AOPEP: variants seen among roughly 807,000 people sequenced by gnomAD.
AOPEP encodes aminopeptidase O.
AOPEP carries 77 observed loss-of-function variants against 98.1 expected under a neutral mutation model. The ratio of observed to expected loss-of-function variants is 0.78; its 90% CI spans 0.65 to 0.95. AOPEP has a LOEUF of 0.95. AOPEP is among the 40% of genes least tolerant of loss of function. The pLI is 0.00. For missense variants in AOPEP, 1,024 were observed against 1,024.7 expected, an observed-to-expected ratio of 1.00 and a Z score of 0.01; for synonymous variants, 346 against 365.3, an observed-to-expected ratio of 0.95 and a Z score of 0.60.
At chr9:95,095,769 G>A in the AOPEP span, among the ~76,000 whole-genome samples, 1 of 149,326 alleles carries the variant, frequency 6.7e-6, no homozygotes, top group African/African-American at 2.4e-5. Context: ...CGTGAGATCG[G>A]CATCCTCTCA....
chr9:94,914,566 A>G (rs959475334), intron 5 of AOPEP, among the ~76,000 whole-genome samples: 1 of 91,140 alleles, frequency 1.1e-5, no homozygotes, highest in African/African-American at 4.3e-5. Context: ...GTGTGTATGT[A>G]CAGGATAAAT....
intron 1 of AOPEP, among the ~76,000 whole-genome samples, chr9:94,737,964 G>A (rs422502): frequency 0.052 from 7,885 of 152,260 alleles, 231 homozygotes; most frequent in Admixed American, 0.077. Context: ...TGAGAGTTCA[G>A]GGTCTGGGGC....
At chr9:94,959,292 C>T (rs556985971) in intron 9 of AOPEP, among the ~76,000 whole-genome samples, 36 of 152,270 alleles carry the variant, frequency 2.4e-4, no homozygotes, top group Admixed American at 7.2e-4. Context: ...ATCCACCCAC[C>T]TCAGCCTCCC....
At chr9:94,758,076 T>C (rs1345444622) in intron 1 of AOPEP, among the ~76,000 whole-genome samples, 2 of 152,216 alleles carry the variant, frequency 1.3e-5, no homozygotes, top group Non-Finnish European at 2.9e-5. Flanking sequence ...GTGCTACATA[T>C]AGTTCAGTGG....
At chr9:94,794,619 C>G (rs574721142) in intron 4 of AOPEP, among the ~76,000 whole-genome samples, 1 of 152,080 alleles carries the variant, frequency 6.6e-6, no homozygotes, top group East Asian at 1.9e-4. Flanking sequence ...AGTAGCTTGC[C>G]TATTTTGGAC....
chr9:94,779,269 C>T (rs1287117831), intron 3 of AOPEP, among the ~76,000 whole-genome samples: 6 of 152,226 alleles, frequency 3.9e-5, no homozygotes, highest in Non-Finnish European at 8.8e-5. Flanking sequence ...CAGATAGGCA[C>T]TGATAGGTGG....
At chr9:95,051,309 C>T (rs1273949490) in intron 13 of AOPEP, among the ~76,000 whole-genome samples, 2 of 151,688 alleles carry the variant, frequency 1.3e-5, no homozygotes, top group Non-Finnish European at 2.9e-5. Flanking sequence ...AGGATGGTCT[C>T]GATCTCTTGA....
At chr9:94,751,931 T>G (rs866804734) in intron 1 of AOPEP, among the ~76,000 whole-genome samples, 25 of 150,258 alleles carry the variant, frequency 1.7e-4, no homozygotes, top group African/African-American at 5.4e-4. Flanking sequence ...CTCGCTGTGT[T>G]GCTCAGGCTG....
the AOPEP span, chr9:95,126,524 T>G: frequency 1.9e-6 from 3 of 1,613,670 alleles, no homozygotes; most frequent in Non-Finnish European, 2.5e-6. Context: ...CAGTGTAACG[T>G]TTACCTGAAC....
At position 94,759,881 on chromosome 9, in the gene AOPEP, A is replaced by G. The variant is rs1304650051; in HGVS notation, c.98A>G (p.Asp33Gly). The G allele has an allele frequency of 6.2e-7, 1 of 1,614,170 alleles. No individual in the cohort carries two copies. Among genetic ancestry groups the G allele is most frequent in the Non-Finnish European group, 8.5e-7 (1 of 1,180,026 alleles). ...CACTATGTACTGGATTTGGATGTGG[A>G]TTTTGAAAGTCAAGTCATTGAGGGG... ...VKHYVLDLDV[D>G]FESQVIEGTI... Residue 33 changes from aspartate (D) to glycine (G), a missense_variant, in exon 2 of 17, where the codon GAT becomes GGT. Transcript: ENST00000375315.
chr9:94,978,668 C>A (rs2059995421), intron 10 of AOPEP, among the ~76,000 whole-genome samples: 1 of 152,090 alleles, frequency 6.6e-6, no homozygotes, highest in African/African-American at 2.4e-5. Context: ...GTGCTTTAAG[C>A]TGCATTAGCC....
chr9:95,035,296 G>T (rs1475175718), intron 13 of AOPEP, among the ~76,000 whole-genome samples: 1 of 152,006 alleles, frequency 6.6e-6, no homozygotes, highest in African/African-American at 2.4e-5. Flanking sequence ...TTGTTGGCAT[G>T]TTGGGGAAGT....
chr9:94,760,410 C>T lies in AOPEP; in HGVS notation c.627C>T (p.Cys209=), dbSNP rs1397958825. ...AGCAGTTAGACTATTACGCTCGCTGCAGCCAGGCTCCTGGCTGTGGGGAAC... is the reference window on the plus strand; with the variant it reads ...AGCAGTTAGACTATTACGCTCGCTGTAGCCAGGCTCCTGGCTGTGGGGAAC... The part of the protein sequence containing the change: ...WREQLDYYAR[C]SQAPGCGELL... The change falls in exon 2 of 17, where the codon TGC becomes TGT. Residue 209 remains cysteine, a synonymous_variant. Transcript: ENST00000375315. 4.3e-6 allele frequency: 7 copies of T among 1,613,892 alleles called. No homozygotes were observed. Among genetic ancestry groups the T allele is most frequent in the Non-Finnish European group, 5.9e-6 (7 of 1,179,960 alleles).
At chr9:94,912,492 G>A (rs927064784) in intron 5 of AOPEP, among the ~76,000 whole-genome samples, 5 of 152,094 alleles carry the variant, frequency 3.3e-5, no homozygotes, top group African/African-American at 1.2e-4. Flanking sequence ...AAGTATTTGC[G>A]TTCTAAAAGA....
chr9:95,101,765 C>CGA, the AOPEP span: 2 of 1,614,150 alleles, frequency 1.2e-6, no homozygotes, highest in Non-Finnish European at 1.7e-6. Flanking sequence ...TGATCTAGGG[C>CGA]TTTCAATGCC....
At chr9:94,942,820 G>A (rs1362575007) in intron 7 of AOPEP, among the ~76,000 whole-genome samples, 1 of 149,524 alleles carries the variant, frequency 6.7e-6, no homozygotes, top group Non-Finnish European at 1.5e-5. Flanking sequence ...CATTTACATC[G>A]CTTGAACCCG....
intron 5 of AOPEP, among the ~76,000 whole-genome samples, chr9:94,844,099 C>T (rs1231591820): frequency 6.6e-6 from 1 of 152,076 alleles, no homozygotes; most frequent in Admixed American, 6.6e-5. Context: ...CTCTGTCGCC[C>T]AGCTGGAGTA....
chr9:95,062,348 T>A (rs1185714738), intron 14 of AOPEP, among the ~76,000 whole-genome samples: 2 of 152,192 alleles, frequency 1.3e-5, no homozygotes, highest in African/African-American at 4.8e-5. Flanking sequence ...CAGAAAGGCT[T>A]CCCTTGCTCT....
At chr9:94,903,890 T>A (rs1473144476) in intron 5 of AOPEP, among the ~76,000 whole-genome samples, 3 of 5,966 alleles carry the variant, frequency 5.0e-4, no homozygotes, top group Non-Finnish European at 1.3e-3. Context: ...TGAGACTCTG[T>A]CTAAAAAAAA....
Sources: gnomAD v4.1 joint callset for allele counts (sites outside exome capture counted in the v4.1 genomes callset) on GRCh38, gnomAD v4.1.1 for gene constraint, MANE v1.5 for transcripts, NCBI Gene and HGNC (gene_info 2026-07-23, HGNC 2026-07-21) for gene names.